ZNF226: variants seen among roughly 807,000 people sequenced by gnomAD.
ZNF226 encodes the protein Kruppel-associated box protein.
A neutral mutation model predicts 11.4 loss-of-function variants in ZNF226; 6 were observed. That is an observed-to-expected ratio of 0.53 (90% CI 0.29 to 1.04). The LOEUF (loss-of-function observed/expected upper bound fraction) is 1.04, where lower values mean the gene tolerates loss of function less well. ZNF226 is among the 50% of genes least tolerant of loss of function. The pLI, the probability that ZNF226 is intolerant of heterozygous loss-of-function variation, is 0.08. For synonymous variants in ZNF226, 350 were observed against 322.8 expected (o/e 1.08, Z -0.90); for missense variants, 1,058 against 956.5 (o/e 1.11, Z -1.40).
At position 44,176,876 on chromosome 19, in the gene ZNF226, G is replaced by A. The variant is rs1409176357; in HGVS notation, c.1614G>A (p.Lys538=). 1.9e-6 allele frequency: 3 copies of A among 1,613,824 alleles called. No individual in the cohort carries two copies. The highest frequency in any genetic ancestry group is 1.7e-5 in the Admixed American group (1 of 59,988). The part of the protein sequence containing the change: ...EKPYKCEICG[K]GFSQSSYLQI... ...CCTATAAATGTGAGATATGTGGGAAGGGCTTCAGTCAAAGTTCGTATCTTC... is the reference window on the plus strand; with the variant it reads ...CCTATAAATGTGAGATATGTGGGAAAGGCTTCAGTCAAAGTTCGTATCTTC... The change falls in exon 6 of 6, where the codon AAG becomes AAA. Residue 538 remains lysine, a synonymous_variant. Coordinates refer to ENST00000337433, the MANE Select transcript of ZNF226 (RefSeq NM_001032373.2).
chr19:44,198,616 C>CTA, the ZNF226 span, among the ~76,000 whole-genome samples: 2 of 152,056 alleles, frequency 1.3e-5, no homozygotes, highest in East Asian at 3.8e-4. Context: ...CCAAAGACCC[C>CTA]TATTGTTGTG....
chr19:44,195,832 A>G, the ZNF226 span, among the ~76,000 whole-genome samples: 1 of 152,208 alleles, frequency 6.6e-6, no homozygotes, highest in Non-Finnish European at 1.5e-5. Flanking sequence ...TAGTCCATAC[A>G]TTTGACTTCA....
chr19:44,185,975 A>G, the ZNF226 span, among the ~76,000 whole-genome samples: 1 of 152,036 alleles, frequency 6.6e-6, no homozygotes, highest in Non-Finnish European at 1.5e-5. Context: ...TCTTTTGCAT[A>G]TGGATATCCA....
intron 3 of ZNF226, 117 bp from the exon 4 acceptor site, chr19:44,171,971 G>A: frequency 7.2e-7 from 1 of 1,393,436 alleles, no homozygotes; most frequent in Non-Finnish European, 1.0e-6. Flanking sequence ...GACAGGAGAA[G>A]GGCTGGGAAA....
chr19:44,166,927 C>T (rs973593261), intron 2 of ZNF226: 3 of 152,200 alleles, frequency 2.0e-5, no homozygotes, highest in Non-Finnish European at 2.9e-5. Context: ...AGGAAAAGGT[C>T]TTATCTGGAA....
intron 2 of ZNF226, among the ~76,000 whole-genome samples, chr19:44,168,998 CTTTTTT>C (rs34967576): frequency 7.7e-5 from 7 of 90,802 alleles, no homozygotes; most frequent in East Asian, 3.0e-4. Flanking sequence ...CTCCCTTTTC[CTTTTTT>C]TTTTTTTTTT....
At chr19:44,169,825 G>T (rs1033128821) in intron 2 of ZNF226, among the ~76,000 whole-genome samples, 2 of 152,162 alleles carry the variant, frequency 1.3e-5, no homozygotes, top group Non-Finnish European at 2.9e-5. Flanking sequence ...AGGCACATGG[G>T]CAGTGAGGCC....
intron 5 of ZNF226, chr19:44,173,158 C>T (rs1970305194): frequency 1.7e-6 from 1 of 585,800 alleles, no homozygotes; most frequent in African/African-American, 1.9e-5. Context: ...TACCTTGTGT[C>T]AGACTATGTT....
At chr19:44,179,696 CTT>C, downstream of ZNF226, among the ~76,000 whole-genome samples, 1 of 152,258 alleles carries the variant, frequency 6.6e-6, no homozygotes, top group East Asian at 1.9e-4. Flanking sequence ...ACTGGCTTGT[CTT>C]TTCAAGTGCT....
chr19:44,182,332 A>G (rs550426794), downstream of ZNF226, among the ~76,000 whole-genome samples: 65 of 151,376 alleles, frequency 4.3e-4, 1 homozygote, highest in Admixed American at 3.1e-3. Context: ...CCAGTAGCAC[A>G]CGTGATGCGC....
At chr19:44,187,044 G>C in the ZNF226 span, among the ~76,000 whole-genome samples, 1 of 151,722 alleles carries the variant, frequency 6.6e-6, no homozygotes, top group Non-Finnish European at 1.5e-5. The surrounding 1 kb of genome is among the most constrained non-coding windows in gnomAD (Gnocchi z 4.0). Flanking sequence ...TAGGATTTTT[G>C]CATCAATATT....
the ZNF226 span, among the ~76,000 whole-genome samples, chr19:44,195,252 T>TA: frequency 2.4e-3 from 363 of 152,132 alleles, 3 homozygotes; most frequent in Middle Eastern, 0.01. Flanking sequence ...CAAAAGAACT[T>TA]ACCAAACGAA....
At chr19:44,197,150 C>T in the ZNF226 span, among the ~76,000 whole-genome samples, 1 of 152,086 alleles carries the variant, frequency 6.6e-6, no homozygotes, top group African/African-American at 2.4e-5. Flanking sequence ...TATTTTGTTA[C>T]TGTAGAGCAA....
chr19:44,166,241 C>A (rs1189673627), intron 2 of ZNF226, among the ~76,000 whole-genome samples: 1 of 152,236 alleles, frequency 6.6e-6, no homozygotes, highest in East Asian at 1.9e-4. Context: ...TGGCTGACGC[C>A]TGTAATCCCA....
intron 5 of ZNF226, chr19:44,174,838 A>T: frequency 1.4e-6 from 1 of 700,384 alleles, no homozygotes; most frequent in South Asian, 2.1e-5. Context: ...TCCAGTGCAT[A>T]GGTCTTCATG....
chr19:44,184,311 G>A, the ZNF226 span, among the ~76,000 whole-genome samples: 3 of 152,206 alleles, frequency 2.0e-5, no homozygotes, highest in South Asian at 2.1e-4. Flanking sequence ...GCCGGGTGCG[G>A]TTGCTCATGC....
intron 2 of ZNF226, among the ~76,000 whole-genome samples, chr19:44,167,391 T>C (rs542775160): frequency 6.8e-6 from 1 of 147,416 alleles, no homozygotes; most frequent in African/African-American, 2.5e-5. Flanking sequence ...TGATCTCGGC[T>C]CACTGCAACC....
chr19:44,179,713 CTGAT>C (rs1385264485), downstream of ZNF226, among the ~76,000 whole-genome samples: 7 of 152,130 alleles, frequency 4.6e-5, no homozygotes, highest in African/African-American at 1.7e-4. Context: ...AGTGCTTGGT[CTGAT>C]TGGGGGAAAT....
At chr19:44,181,916 C>G (rs777460759), downstream of ZNF226, among the ~76,000 whole-genome samples, 5 of 152,086 alleles carry the variant, frequency 3.3e-5, no homozygotes, top group Non-Finnish European at 7.4e-5. Flanking sequence ...GTAGAAAATA[C>G]GACCATGAGG....
Sources: allele counts gnomAD v4.1 joint callset (sites outside exome capture counted in the v4.1 genomes callset), GRCh38; gene constraint gnomAD v4.1.1; non-coding constraint Gnocchi (gnomAD v3.1); transcripts MANE v1.5; gene names NCBI Gene and HGNC (gene_info 2026-07-23, HGNC 2026-07-21).